Variants in AHI1 observed in about 807,000 individuals in gnomAD.
AHI1 encodes Abelson helper integration site 1.
In AHI1, 123 loss-of-function variants were observed where a neutral mutation model predicts 149.3. The ratio of observed to expected loss-of-function variants is 0.82; its 90% CI spans 0.71 to 0.96. AHI1 has a LOEUF of 0.96. AHI1 is among the 40% of genes least tolerant of loss of function. The pLI is 0.00. For missense variants in AHI1, 1,439 were observed against 1,422.7 expected, an observed-to-expected ratio of 1.01 and a Z score of -0.18; for synonymous variants, 475 against 459.8, an observed-to-expected ratio of 1.03 and a Z score of -0.42.
chr6:135,435,062 A>G (rs1455655867), intron 15 of AHI1: 2 of 152,206 alleles, frequency 1.3e-5, no homozygotes, highest in Non-Finnish European at 2.9e-5. Flanking sequence ...AGGAGAAGAC[A>G]TGGACAGAAA....
intron 22 of AHI1, among the ~76,000 whole-genome samples, chr6:135,400,156 A>C (rs2128492000): frequency 6.6e-6 from 1 of 152,278 alleles, no homozygotes; most frequent in South Asian, 2.1e-4. Flanking sequence ...CGAAAAAATA[A>C]TTATGTTTTT....
chr6:135,399,269 A>G (rs1779689588), intron 22 of AHI1, among the ~76,000 whole-genome samples: 1 of 152,198 alleles, frequency 6.6e-6, no homozygotes, highest in South Asian at 2.1e-4. Context: ...ACAAAAACAA[A>G]GAGGAAACAA....
intron 5 of AHI1, among the ~76,000 whole-genome samples, chr6:135,485,367 G>A (rs1299322126): frequency 1.3e-5 from 2 of 152,144 alleles, no homozygotes; most frequent in South Asian, 2.1e-4. Flanking sequence ...GAGCCACTGT[G>A]CCTGGCCTTT....
At chr6:135,300,650 GAAT>G (rs1783754137) in intron 26 of AHI1, 92 bp from the exon 27 acceptor site, 1 of 1,534,190 alleles carries the variant, frequency 6.5e-7, no homozygotes, top group African/African-American at 1.4e-5. Context: ...CCAACTTCCT[GAAT>G]GGGGAGAGAA....
chr6:135,384,555 A>G (rs1777298961), intron 23 of AHI1, among the ~76,000 whole-genome samples: 1 of 152,234 alleles, frequency 6.6e-6, no homozygotes, highest in Non-Finnish European at 1.5e-5. Flanking sequence ...TAGAGTCCCT[A>G]TTCAAGCTAA....
chr6:135,404,694 G>A (rs951150106), intron 22 of AHI1, among the ~76,000 whole-genome samples: 6 of 152,104 alleles, frequency 3.9e-5, no homozygotes, highest in African/African-American at 1.4e-4. Context: ...TGACCTTGTT[G>A]ATCCTTTACT....
At chr6:135,336,828 T>C (rs1789463646) in intron 24 of AHI1, among the ~76,000 whole-genome samples, 1 of 152,212 alleles carries the variant, frequency 6.6e-6, no homozygotes, top group African/African-American at 2.4e-5. Flanking sequence ...TATAGGTATC[T>C]ACCATTTACT....
At chr6:135,329,736 T>G (rs1788250441) in intron 24 of AHI1, among the ~76,000 whole-genome samples, 2 of 152,214 alleles carry the variant, frequency 1.3e-5, no homozygotes, top group Non-Finnish European at 2.9e-5. Flanking sequence ...GTGATTCCTC[T>G]GATGAATACG....
In AHI1 at chr6:135,293,394, AAAAAAAAAAAAG is replaced by A. The variant is rs1357037737; in HGVS notation, c.3486-2881_3486-2870del. Among the ~76,000 whole-genome samples the A allele has an allele frequency of 3.2e-3, 386 of 122,082 alleles. 8 individuals carry two copies. Among genetic ancestry groups the A allele is most frequent in the African/African-American group, 0.016 (357 of 22,686 alleles). The allele number at this position is 122,082 out of a possible 152,430, so 80.1% of individuals were successfully genotyped here. On this transcript the variant is annotated intron_variant, in intron 27 of 28. Coordinates refer to ENST00000265602, the MANE Select transcript of AHI1 (RefSeq NM_001134831.2). ...GGTTCTACCCAGTGTTAACAGGGCAAAAAAAAAAAAAGAAAAAAAAAAAAAAAAAAGAAAAAA... is the reference window on the plus strand; with the variant it reads ...GGTTCTACCCAGTGTTAACAGGGCAAAAAAAAAAAAAAAAAAAAGAAAAAA...
intron 23 of AHI1, among the ~76,000 whole-genome samples, chr6:135,369,444 G>A (rs1011868129): frequency 9.2e-5 from 14 of 152,314 alleles, no homozygotes; most frequent in African/African-American, 3.4e-4. Flanking sequence ...TTTTGAGACA[G>A]CATCAACACA....
At position 135,428,709 on chromosome 6, in the gene AHI1, T is replaced by C. The variant is rs770153720; in HGVS notation, c.2543A>G (p.His848Arg). The change falls in exon 19 of 29, where the codon CAT (histidine) becomes CGT (arginine). Residue 848 changes from histidine (H) to arginine (R), a missense_variant. His to Arg is a conservative substitution (Grantham distance 29, BLOSUM62 0). Coordinates refer to ENST00000265602, the MANE Select transcript of AHI1 (RefSeq NM_001134831.2). ...VGAANYREKI[H>R]STLTPCGTFL... ...AGTCCCACATGGAGTCAAAGTACTA[T>C]GAATCTTCTCCCGATAATTTGCTGC... is the stretch of plus-strand genomic sequence containing the variant. 6 of 1,608,242 alleles carry C rather than the reference T, an allele frequency of 3.7e-6. No individual in the cohort carries two copies. Among genetic ancestry groups the C allele is most frequent in the Non-Finnish European group, 5.1e-6 (6 of 1,176,646 alleles).
At chr6:135,468,926 T>C (rs1275765618) in intron 5 of AHI1, among the ~76,000 whole-genome samples, 3 of 151,858 alleles carry the variant, frequency 2.0e-5, no homozygotes, top group Non-Finnish European at 4.4e-5. Context: ...CTACCAGAGG[T>C]ACACAACAGA....
chr6:135,397,136 C>A (rs1046774862), intron 22 of AHI1, among the ~76,000 whole-genome samples: 2 of 151,788 alleles, frequency 1.3e-5, no homozygotes, highest in African/African-American at 4.8e-5. Flanking sequence ...CGTAACAGAG[C>A]AGATAATTTC....
intron 26 of AHI1, 29 bp downstream of exon 26, chr6:135,318,490 A>G (rs780408017): frequency 4.5e-6 from 6 of 1,346,716 alleles, no homozygotes; most frequent in Non-Finnish European, 6.3e-6. Context: ...CAAAGTACAT[A>G]TGTAATACGT....
chr6:135,398,498 T>C (rs757665260), intron 22 of AHI1, among the ~76,000 whole-genome samples: 1 of 152,218 alleles, frequency 6.6e-6, no homozygotes, highest in Non-Finnish European at 1.5e-5. Context: ...AGTTTTTTGG[T>C]TATATTTAAT....
At chr6:135,454,778 A>C (rs1788654132) in intron 10 of AHI1, among the ~76,000 whole-genome samples, 3 of 152,224 alleles carry the variant, frequency 2.0e-5, no homozygotes, top group Admixed American at 2.0e-4. Context: ...CAAAGTTTGA[A>C]GACAAAAAAT....
At position 135,465,990 on chromosome 6, in the gene AHI1, T is replaced by A. The variant is rs200993978; in HGVS notation, c.573A>T (p.Ala191=). Residue 191 remains alanine, a synonymous_variant, in exon 7 of 29, where the codon GCA becomes GCT. Coordinates refer to ENST00000265602, the MANE Select transcript of AHI1 (RefSeq NM_001134831.2). ...TTTCTTCAGTTACATGGCACTGATA[T>A]GCTTGCATCAATTCTTCATCCTCTT... The part of the protein sequence containing the change: ...DLEEDEELMQ[A]YQCHVTEEMA... The A allele has an allele frequency of 3.1e-6, 5 of 1,613,988 alleles. No individual in the cohort carries two copies. The highest frequency in any genetic ancestry group is 3.3e-5 in the Admixed American group (2 of 60,010).
chr6:135,478,594 T>C (rs187641263), intron 5 of AHI1, among the ~76,000 whole-genome samples: 1 of 152,202 alleles, frequency 6.6e-6, no homozygotes, highest in South Asian at 2.1e-4. Flanking sequence ...CAGGAATTTA[T>C]ATTTAAAAGG....
intron 23 of AHI1, among the ~76,000 whole-genome samples, chr6:135,363,865 C>CCG (rs1430856736): frequency 6.7e-6 from 1 of 148,250 alleles, no homozygotes; most frequent in African/African-American, 2.5e-5. Flanking sequence ...CCTCACCCCC[C>CCG]GGACGGGGCG....
Sources: allele counts gnomAD v4.1 joint callset (sites outside exome capture counted in the v4.1 genomes callset), GRCh38; gene constraint gnomAD v4.1.1; transcripts MANE v1.5; gene names NCBI Gene and HGNC (gene_info 2026-07-23, HGNC 2026-07-21).